The following FAM171A1 variants were observed in gnomAD, a reference collection of about 807,000 sequenced individuals.
FAM171A1 encodes protein FAM171A1.
A neutral mutation model predicts 74.9 loss-of-function variants in FAM171A1; 23 were observed. That is an observed-to-expected ratio of 0.31 (90% CI 0.22 to 0.44). The LOEUF (loss-of-function observed/expected upper bound fraction) is 0.44, where lower values mean the gene tolerates loss of function less well. Ranked by LOEUF, FAM171A1 falls within the 20% of genes least tolerant of loss-of-function variation. The pLI, the probability that FAM171A1 is intolerant of heterozygous loss-of-function variation, is 1.00. For synonymous variants in FAM171A1, 527 were observed against 505.7 expected (o/e 1.04, Z -0.57); for missense variants, 1,162 against 1,159.2 (o/e 1.00, Z -0.03).
At chr10:15,341,452 G>GT (rs1173329912) in intron 1 of FAM171A1, among the ~76,000 whole-genome samples, 1 of 152,162 alleles carries the variant, frequency 6.6e-6, no homozygotes, top group African/African-American at 2.4e-5. Flanking sequence ...TTATTCGAGA[G>GT]TTTTTTTCCT....
intron 1 of FAM171A1, among the ~76,000 whole-genome samples, chr10:15,324,030 C>T (rs184543144): frequency 6.6e-6 from 1 of 152,262 alleles, no homozygotes; most frequent in Non-Finnish European, 1.5e-5. Flanking sequence ...GCCAGCCCTG[C>T]AATCACGCAA....
intron 1 of FAM171A1, among the ~76,000 whole-genome samples, chr10:15,355,330 C>G (rs1835920802): frequency 1.3e-5 from 2 of 152,224 alleles, no homozygotes; most frequent in South Asian, 4.1e-4. Flanking sequence ...CCACTTCAGC[C>G]TCCCAAGGTA....
At position 15,214,082 on chromosome 10, in the gene FAM171A1, G is replaced by A; in HGVS notation, c.1506C>T (p.Asp502=). 1.2e-6 allele frequency: 2 copies of A among 1,614,192 alleles called. No individual in the cohort carries two copies. Among genetic ancestry groups the A allele is most frequent in the South Asian group, 1.1e-5 (1 of 91,088 alleles). The change falls in exon 8 of 8, where the codon GAC becomes GAT. Residue 502 remains aspartate (D), a synonymous_variant. Coordinates refer to ENST00000378116, the MANE Select transcript of FAM171A1 (RefSeq NM_001010924.2). Reference sequence around the variant, plus strand: ...TTCCCGTGGAGGCTGGACCTTCTCTGTCCTGCTTTTCAAATAAAGGCTGTG... The same window carrying A: ...TTCCCGTGGAGGCTGGACCTTCTCTATCCTGCTTTTCAAATAAAGGCTGTG... The part of the protein sequence containing the change: ...VLSQPLFEKQ[D]REGPASTGSK...
At chr10:15,222,344 T>A (rs1291354536) in intron 5 of FAM171A1, among the ~76,000 whole-genome samples, 2 of 152,154 alleles carry the variant, frequency 1.3e-5, no homozygotes, top group East Asian at 3.9e-4. Flanking sequence ...TATGCAAACC[T>A]AGATGGTACT....
chr10:15,261,884 G>T (rs192228612), intron 3 of FAM171A1, among the ~76,000 whole-genome samples: 237 of 152,276 alleles, frequency 1.6e-3, no homozygotes, highest in African/African-American at 5.5e-3. Flanking sequence ...TTAGGAGGCT[G>T]AGGCAGGAGG....
At chr10:15,346,484 C>G (rs1192240331) in intron 1 of FAM171A1, among the ~76,000 whole-genome samples, 1 of 152,166 alleles carries the variant, frequency 6.6e-6, no homozygotes, top group East Asian at 1.9e-4. Flanking sequence ...GATTATACAG[C>G]TCCCGAATGA....
chr10:15,240,323 T>C (rs1456624619), intron 5 of FAM171A1, among the ~76,000 whole-genome samples: 2 of 152,052 alleles, frequency 1.3e-5, no homozygotes. Context: ...ATTGTGCTAC[T>C]GTACTCCAGC....
At chr10:15,366,048 T>C (rs1040840335) in intron 1 of FAM171A1, among the ~76,000 whole-genome samples, 11 of 152,348 alleles carry the variant, frequency 7.2e-5, no homozygotes, top group African/African-American at 2.2e-4. Context: ...GCTATTGGGT[T>C]ACACTGTAGA....
At chr10:15,256,295 A>G (rs1834580033) in intron 3 of FAM171A1, among the ~76,000 whole-genome samples, 1 of 152,162 alleles carries the variant, frequency 6.6e-6, no homozygotes, top group Admixed American at 6.5e-5. Context: ...AGCTCCAAGA[A>G]TCCACTAGCC....
intron 5 of FAM171A1, among the ~76,000 whole-genome samples, chr10:15,245,980 G>A (rs186665072): frequency 6.6e-6 from 1 of 152,164 alleles, no homozygotes; most frequent in East Asian, 1.9e-4. Context: ...CCTCCCTTTA[G>A]AATTCCGGCA....
chr10:15,337,520 G>C (rs528816478), intron 1 of FAM171A1, among the ~76,000 whole-genome samples: 1 of 150,290 alleles, frequency 6.7e-6, no homozygotes, highest in African/African-American at 2.4e-5. Flanking sequence ...GCCGGGTGCC[G>C]TGACTCACGC....
chr10:15,239,224 G>C (rs1362797096), intron 5 of FAM171A1, among the ~76,000 whole-genome samples: 1 of 152,220 alleles, frequency 6.6e-6, no homozygotes, highest in African/African-American at 2.4e-5. Flanking sequence ...TCCTTTGACA[G>C]ACATGGGAAG....
At chr10:15,289,621 G>A (rs1835079634) in intron 1 of FAM171A1, among the ~76,000 whole-genome samples, 1 of 152,158 alleles carries the variant, frequency 6.6e-6, no homozygotes, top group East Asian at 1.9e-4. Context: ...ATCCCACTGA[G>A]GCTGGAGGGA....
At chr10:15,290,737 G>T (rs1394060371) in intron 1 of FAM171A1, among the ~76,000 whole-genome samples, 1 of 152,174 alleles carries the variant, frequency 6.6e-6, no homozygotes, top group East Asian at 1.9e-4. Flanking sequence ...TGTCATTTTA[G>T]CTTAGGCCTG....
chr10:15,361,169 T>TA (rs1835989073), intron 1 of FAM171A1, among the ~76,000 whole-genome samples: 2 of 152,208 alleles, frequency 1.3e-5, no homozygotes, highest in South Asian at 4.1e-4. Flanking sequence ...TTACTTATAA[T>TA]AAAATGTTAA....
intron 5 of FAM171A1, among the ~76,000 whole-genome samples, chr10:15,233,531 T>C (rs1046520355): frequency 1.3e-5 from 2 of 150,900 alleles, no homozygotes; most frequent in Admixed American, 6.6e-5. Flanking sequence ...GGTGTGTGTG[T>C]GTGTGTGTGT....
intron 1 of FAM171A1, among the ~76,000 whole-genome samples, chr10:15,296,825 G>A (rs558942805): frequency 1.2e-4 from 17 of 147,710 alleles, no homozygotes; most frequent in Non-Finnish European, 2.2e-4. Context: ...CATTGGAGAC[G>A]CATGGAAGAG....
chr10:15,350,715 T>C (rs1261012610), intron 1 of FAM171A1, among the ~76,000 whole-genome samples: 1 of 151,576 alleles, frequency 6.6e-6, no homozygotes, highest in East Asian at 1.9e-4. Flanking sequence ...CTTGGCTCAC[T>C]GCAACATCTG....
intron 6 of FAM171A1, among the ~76,000 whole-genome samples, chr10:15,219,056 G>T (rs758604386): frequency 1.3e-5 from 2 of 152,122 alleles, no homozygotes; most frequent in Non-Finnish European, 2.9e-5. Context: ...GCTGAGGCGG[G>T]GGGATCACCG....
Sources: allele counts gnomAD v4.1 joint callset (sites outside exome capture counted in the v4.1 genomes callset), GRCh38; gene constraint gnomAD v4.1.1; transcripts MANE v1.5; gene names NCBI Gene and HGNC (gene_info 2026-07-23, HGNC 2026-07-21).